Variants in PALM2AKAP2 observed in about 807,000 individuals in gnomAD.
The protein encoded by PALM2AKAP2 is PALM2 and AKAP2 fusion, also known as PALM2-AKAP2 fusion protein.
A neutral mutation model predicts 71.5 loss-of-function variants in PALM2AKAP2; 37 were observed. The ratio of observed to expected loss-of-function variants is 0.52; its 90% confidence interval spans 0.40 to 0.68. PALM2AKAP2 has a LOEUF of 0.68. PALM2AKAP2 is among the 30% of genes least tolerant of loss of function. PALM2AKAP2 has a pLI of 0.00. For synonymous variants in PALM2AKAP2, 468 were observed against 478.8 expected (o/e 0.98, Z 0.29); for missense variants, 1,224 against 1,191.8 (o/e 1.03, Z -0.40).
chr9:109,826,277 C>A (rs6477729), intron 1 of PALM2AKAP2, among the ~76,000 whole-genome samples: 124,790 of 151,942 alleles, frequency 0.82, 51,771 homozygotes, highest in East Asian at 0.95. Context: ...TGATGAGTTA[C>A]TGGGTGCAGC....
chr9:109,746,679 T>C (rs1316087362), intron 1 of PALM2AKAP2, among the ~76,000 whole-genome samples: 1 of 152,114 alleles, frequency 6.6e-6, no homozygotes, highest in African/African-American at 2.4e-5. Flanking sequence ...TGGATCTGGT[T>C]CAGGCACTGC....
chr9:109,746,467 GT>G (rs1178826670), intron 1 of PALM2AKAP2, among the ~76,000 whole-genome samples: 3 of 152,156 alleles, frequency 2.0e-5, no homozygotes, highest in Non-Finnish European at 2.9e-5. Flanking sequence ...CAAAGTAGGT[GT>G]TTGATCATAC....
At chr9:110,091,459 C>CTTTTTTTTTTTTTTTTTTTTTTT (rs66848294) in intron 1 of PALM2AKAP2, among the ~76,000 whole-genome samples, 1 of 83,656 alleles carries the variant, frequency 1.2e-5, no homozygotes, top group Non-Finnish European at 2.1e-5. Flanking sequence ...GAGATTTATT[C>CTTTTTTTTTTTTTTTTTTTTTTT]TTTTTTTTTT....
chr9:110,096,932 ATT>A (rs1564302605), intron 1 of PALM2AKAP2, among the ~76,000 whole-genome samples: 1 of 68,806 alleles, frequency 1.5e-5, no homozygotes, highest in Admixed American at 1.2e-4. Flanking sequence ...TTTTCTTTTT[ATT>A]TATTTATTTA....
At chr9:110,129,933 T>C (rs1588125378) in intron 1 of PALM2AKAP2, among the ~76,000 whole-genome samples, 1 of 152,336 alleles carries the variant, frequency 6.6e-6, no homozygotes, top group East Asian at 1.9e-4. Context: ...GTGTTCAGCT[T>C]CAACTAAAAT....
intron 1 of PALM2AKAP2, among the ~76,000 whole-genome samples, chr9:110,108,846 A>AT (rs1554752744): frequency 8.6e-5 from 13 of 151,736 alleles, no homozygotes; most frequent in African/African-American, 2.9e-4. Flanking sequence ...TTAAAAAAAA[A>AT]TTTTTTTTTG....
intron 1 of PALM2AKAP2, among the ~76,000 whole-genome samples, chr9:109,674,682 G>A (rs1468522588): frequency 6.6e-6 from 1 of 151,986 alleles, no homozygotes; most frequent in African/African-American, 2.4e-5. Context: ...TTATATTATG[G>A]GGGAGTCTTG....
intron 1 of PALM2AKAP2, among the ~76,000 whole-genome samples, chr9:109,746,930 G>C (rs188392190): frequency 2.0e-5 from 3 of 152,144 alleles, no homozygotes; most frequent in Non-Finnish European, 4.4e-5. Flanking sequence ...AGGGCAGTGC[G>C]TGTGGCAGAG....
In PALM2AKAP2 at chr9:110,077,983, C is replaced by T. The variant is rs147471754; in HGVS notation, c.156+29128C>T. Among the ~76,000 whole-genome samples the T allele has an allele frequency of 2.8e-4, 42 of 148,934 alleles. No homozygotes were observed. In the East Asian group the frequency reaches 7.8e-3, roughly 28 times the overall value. ...GAGCCGAGATCGCGCTACTGCACTC[C>T]AGCCTGGGTGACAGAGTGAGACTCA... is the stretch of plus-strand genomic sequence containing the variant. On this transcript the variant is annotated intron_variant, in intron 1 of 3. Transcript: ENST00000374525.
In PALM2AKAP2 at chr9:109,836,813, A is replaced by G. The variant is rs146998878; in HGVS notation, c.46-30678A>G. On this transcript the variant is annotated intron_variant, in intron 1 of 9. Transcript: ENST00000302798. The stretch of plus-strand genomic sequence containing the variant: ...GATCGAATGAATGAAATGAAGTGAG[A>G]AGAGAAGTTTAGAGAAAAAAGAGTA... Among the ~76,000 whole-genome samples, 415 of 152,346 alleles carry G rather than the reference A, an allele frequency of 2.7e-3. 1 individual carries two copies. Among genetic ancestry groups the G allele is most frequent in the African/African-American group, 9.3e-3 (385 of 41,586 alleles).
intron 7 of PALM2AKAP2, among the ~76,000 whole-genome samples, chr9:110,024,362 C>G (rs1297976996): frequency 3.3e-5 from 5 of 152,122 alleles, no homozygotes; most frequent in Non-Finnish European, 5.9e-5. Flanking sequence ...TAAATGGAGT[C>G]ATACAACATG....
chr9:110,154,770 C>G (rs553238693), intron 2 of PALM2AKAP2, among the ~76,000 whole-genome samples: 2 of 152,088 alleles, frequency 1.3e-5, no homozygotes, highest in South Asian at 4.2e-4. Context: ...ATATTAAAAC[C>G]TATTTTCCAC....
At chr9:109,710,282 C>A (rs770708877) in intron 1 of PALM2AKAP2, among the ~76,000 whole-genome samples, 1 of 152,162 alleles carries the variant, frequency 6.6e-6, no homozygotes, top group Non-Finnish European at 1.5e-5. Context: ...AATGCACAGC[C>A]CCAGAAGGAG....
intron 6 of PALM2AKAP2, among the ~76,000 whole-genome samples, chr9:109,950,316 T>G (rs1831607697): frequency 6.6e-6 from 1 of 151,922 alleles, no homozygotes; most frequent in Non-Finnish European, 1.5e-5. Context: ...AAAAAACAAT[T>G]ATCAGTTGGC....
At chr9:109,711,993 T>TTGTGTGTG (rs10611227) in intron 1 of PALM2AKAP2, among the ~76,000 whole-genome samples, 2,706 of 148,694 alleles carry the variant, frequency 0.018, 78 homozygotes, top group African/African-American at 0.063. Context: ...GTGTGAGTGC[T>TTGTGTGTG]TGTGTGTGTG....
intron 3 of PALM2AKAP2, among the ~76,000 whole-genome samples, chr9:109,919,749 G>A (rs945692218): frequency 6.7e-6 from 1 of 149,250 alleles, no homozygotes; most frequent in South Asian, 2.2e-4. Flanking sequence ...GTGTGTGTGT[G>A]TGTGTGTGTG....
At chr9:109,779,746 A>T (rs960451478), upstream of PALM2AKAP2, among the ~76,000 whole-genome samples, 1 of 152,204 alleles carries the variant, frequency 6.6e-6, no homozygotes, top group African/African-American at 2.4e-5. Flanking sequence ...CATGTGGGCC[A>T]CTTGGGCAAG....
intron 1 of PALM2AKAP2, among the ~76,000 whole-genome samples, chr9:110,054,718 G>A (rs1358799002): frequency 2.0e-5 from 3 of 152,100 alleles, no homozygotes; most frequent in Admixed American, 1.3e-4. Flanking sequence ...GACTACAGGT[G>A]CATGCCACCA....
At chr9:109,894,540 C>T (rs1830156700) in intron 3 of PALM2AKAP2, among the ~76,000 whole-genome samples, 1 of 152,148 alleles carries the variant, frequency 6.6e-6, no homozygotes. Context: ...TGTTTAGAAA[C>T]TTTAATAGCA....
Sources: allele counts gnomAD v4.1 joint callset (sites outside exome capture counted in the v4.1 genomes callset), GRCh38; gene constraint gnomAD v4.1.1; transcripts MANE v1.5; gene names NCBI Gene and HGNC (gene_info 2026-07-23, HGNC 2026-07-21).